The following DDB2 variants were observed in gnomAD, a reference collection of about 807,000 sequenced individuals.
DDB2 encodes DNA damage-binding protein 2.
In DDB2, 27 loss-of-function variants were observed where a neutral mutation model predicts 50.5. That is an observed-to-expected ratio of 0.53 (90% confidence interval 0.39 to 0.74). The LOEUF (loss-of-function observed/expected upper bound fraction) is 0.74. Ranked by LOEUF, DDB2 falls within the 30% of genes least tolerant of loss-of-function variation. The pLI is 0.00. For synonymous variants in DDB2, 176 were observed against 205.5 expected (o/e 0.86, Z 1.23); for missense variants, 424 against 545.6 (o/e 0.78, Z 2.22).
At chr11:47,232,313 C>T (rs1219475012) in intron 3 of DDB2, among the ~76,000 whole-genome samples, 1 of 151,464 alleles carries the variant, frequency 6.6e-6, no homozygotes, top group Non-Finnish European at 1.5e-5. Flanking sequence ...CAGAGCAGGA[C>T]TCCATCTCAA....
At chr11:47,218,261 C>T (rs543990740) in intron 3 of DDB2, among the ~76,000 whole-genome samples, 2 of 152,200 alleles carry the variant, frequency 1.3e-5, no homozygotes, top group Non-Finnish European at 2.9e-5. Context: ...AGGGACCTTT[C>T]CTTTCTGGTT....
chr11:47,215,575 C>A, intron 1 of DDB2: 1 of 406,298 alleles, frequency 2.5e-6, no homozygotes, highest in Admixed American at 3.6e-5. Flanking sequence ...GCTGTGTGTG[C>A]TGGATTTCAT....
At chr11:47,235,441 A>G in intron 7 of DDB2, 29 bp downstream of exon 7, 3 of 1,603,942 alleles carry the variant, frequency 1.9e-6, no homozygotes, top group Middle Eastern at 1.6e-4. Flanking sequence ...GAGCTCGCAG[A>G]AGGAGGCTGT....
intron 1 of DDB2, chr11:47,215,694 C>CTATA (rs1348705859): frequency 2.1e-5 from 6 of 288,094 alleles, no homozygotes; most frequent in Non-Finnish European, 2.7e-5. Context: ...GAACCTGGGG[C>CTATA]TATAAGGAGT....
intron 3 of DDB2, among the ~76,000 whole-genome samples, chr11:47,227,559 G>A (rs886101391): frequency 6.7e-6 from 1 of 149,202 alleles, no homozygotes; most frequent in Admixed American, 6.7e-5. Context: ...CACCCAGGCT[G>A]GAGTGCAATG....
intron 9 of DDB2, 122 bp downstream of exon 9, chr11:47,238,305 T>C (rs1953773536): frequency 2.2e-6 from 2 of 893,444 alleles, no homozygotes; most frequent in African/African-American, 1.6e-5. Context: ...ACGAAGAAGA[T>C]GGCTGGGAGA....
At chr11:47,226,223 C>T (rs1279641967) in intron 3 of DDB2, among the ~76,000 whole-genome samples, 1 of 151,802 alleles carries the variant, frequency 6.6e-6, no homozygotes, top group African/African-American at 2.4e-5. Flanking sequence ...CTCATGTTCC[C>T]ATCAGCAGTG....
chr11:47,235,258 T>A lies in DDB2; in HGVS notation c.881-12T>A. 2 of 1,614,190 alleles carry A rather than the reference T, an allele frequency of 1.2e-6. No homozygotes were observed. Among genetic ancestry groups the A allele is most frequent in the Non-Finnish European group, 1.7e-6 (2 of 1,180,018 alleles). On this transcript the variant is annotated splice_polypyrimidine_tract_variant and intron_variant, in intron 6 of 9. Coordinates refer to ENST00000256996, the MANE Select transcript of DDB2 (RefSeq NM_000107.3). ...GTGGTTCCTTCAGCTCAGGGGCTTT[T>A]CACTTTGCCAGCTTGTTTCAGTCCC... is the stretch of plus-strand genomic sequence containing the variant.
intron 7 of DDB2, chr11:47,235,898 G>A (rs1953719429): frequency 6.7e-6 from 1 of 148,206 alleles, no homozygotes; most frequent in African/African-American, 2.5e-5. Context: ...TGTAGAGACA[G>A]GGTATTCTTG....
chr11:47,235,226 A>G (rs1325582220), intron 6 of DDB2, 44 bp from the exon 7 acceptor site: 2 of 1,613,496 alleles, frequency 1.2e-6, no homozygotes, highest in East Asian at 4.5e-5. Context: ...AGGACCACAG[A>G]GGGCTTGTGG....
chr11:47,232,208 G>T (rs1221020235), intron 3 of DDB2, among the ~76,000 whole-genome samples: 1 of 152,038 alleles, frequency 6.6e-6, no homozygotes, highest in Non-Finnish European at 1.5e-5. Flanking sequence ...GCCATGCGTG[G>T]TGGTGGGCAC....
chr11:47,233,168 G>A, intron 4 of DDB2: 1 of 631,804 alleles, frequency 1.6e-6, no homozygotes, highest in Admixed American at 2.4e-5. Flanking sequence ...AAGGTGTTCT[G>A]GAGCCTCAGC....
rs1407176076 is a variant in DDB2, at chr11:47,216,465, T to C, written c.257T>C (p.Val86Ala). ...CTGGGCAGAGCTTCCTGGCCATCTG[T>C]CCAGCAGGTAAGGCATTTTTTGCCT... ...HKLGRASWPS[V>A]QQGLQQSFLH... The change falls in exon 2 of 10, where the codon GTC becomes GCC. Residue 86 changes from valine to alanine, a missense_variant. By Grantham distance (64) the Val-to-Ala change is moderately conservative (BLOSUM62 0). Coordinates refer to ENST00000256996, the MANE Select transcript of DDB2 (RefSeq NM_000107.3). The C allele has an allele frequency of 1.2e-6, 2 of 1,613,076 alleles. No individual in the cohort carries two copies. Among genetic ancestry groups the C allele is most frequent in the African/African-American group, 1.3e-5 (1 of 74,862 alleles).
At chr11:47,235,124 T>C (rs1953706007) in intron 6 of DDB2, 146 bp from the exon 7 acceptor site, 4 of 1,361,334 alleles carry the variant, frequency 2.9e-6, no homozygotes, top group South Asian at 2.4e-5. Flanking sequence ...TTTTTGTTGT[T>C]GTTCACAGCC....
intron 3 of DDB2, among the ~76,000 whole-genome samples, chr11:47,223,822 T>C (rs1348339799): frequency 1.3e-5 from 2 of 152,020 alleles, no homozygotes; most frequent in Admixed American, 1.3e-4. Context: ...AGATGATTTC[T>C]AGTTGGGCTC....
At chr11:47,238,716 C>T in intron 9 of DDB2, 84 bp from the exon 10 acceptor site, 2 of 1,501,748 alleles carry the variant, frequency 1.3e-6, no homozygotes, top group South Asian at 2.3e-5. Flanking sequence ...ATTTCTTTAC[C>T]AAATTGTAGG....
At chr11:47,215,582 T>A in intron 1 of DDB2, 1 of 397,718 alleles carries the variant, frequency 2.5e-6, no homozygotes. Context: ...GTGCTGGATT[T>A]CATAGTCACG....
In DDB2 at chr11:47,215,119, CT is replaced by C; in HGVS notation, c.-16del. On this transcript the variant is annotated 5_prime_UTR_variant, in exon 1 of 10. Transcript: ENST00000256996. ...GATCTTCGCATAGAGCACAGTACCC[CT>C]TCACACGGAGGACGCGATGGCTCCC... 1 of 1,614,008 alleles carries C rather than the reference CT, an allele frequency of 6.2e-7. No individual in the cohort carries two copies. The highest frequency in any genetic ancestry group is 8.5e-7 in the Non-Finnish European group (1 of 1,179,978).
chr11:47,238,078 A>G (rs368605416), intron 8 of DDB2, 60 bp from the exon 9 acceptor site: 48 of 1,612,108 alleles, frequency 3.0e-5, no homozygotes, highest in Admixed American at 5.0e-5. Context: ...GTGACCAGAA[A>G]TCAGGTGTCT....
Sources: gnomAD v4.1 joint callset for allele counts (sites outside exome capture counted in the v4.1 genomes callset) on GRCh38, gnomAD v4.1.1 for gene constraint, MANE v1.5 for transcripts, NCBI Gene and HGNC (gene_info 2026-07-23, HGNC 2026-07-21) for gene names.